STRN: variants seen among roughly 807,000 people sequenced by gnomAD.
STRN encodes protein phosphatase 2 regulatory subunit B'''alpha.
A neutral mutation model predicts 96.3 loss-of-function variants in STRN; 53 were observed. The observed-to-expected ratio is 0.55, with a 90% CI of 0.44 to 0.69. STRN has a LOEUF of 0.69. Ranked by LOEUF, STRN falls within the 30% of genes least tolerant of loss-of-function variation. The pLI, the probability that STRN is intolerant of heterozygous loss-of-function variation, is 0.00. For synonymous variants in STRN, 428 were observed against 355.9 expected (o/e 1.20, Z -2.28); for missense variants, 987 against 963.9 (o/e 1.02, Z -0.32).
At chr2:36,926,185 T>C (rs1424220878) in intron 1 of STRN, among the ~76,000 whole-genome samples, 3 of 152,164 alleles carry the variant, frequency 2.0e-5, no homozygotes, top group Admixed American at 6.5e-5. Context: ...TAAACAACTT[T>C]TAAAGTCAGT....
chr2:36,915,978 C>T (rs768343107), intron 3 of STRN, 100 bp downstream of exon 3: 6 of 1,073,584 alleles, frequency 5.6e-6, no homozygotes, highest in Non-Finnish European at 8.2e-6. Context: ...ATAACTAATA[C>T]ACAAATAATT....
chr2:36,957,744 C>CTTTTTTTT lies in STRN; in HGVS notation c.234+8478_234+8485dup, dbSNP rs1159531782. On this transcript the variant is annotated intron_variant, in intron 1 of 17. Coordinates refer to ENST00000263918, the MANE Select transcript of STRN (RefSeq NM_003162.4). The stretch of plus-strand genomic sequence containing the variant: ...TTAGTCTCATAGTTCTTCTTTTTGT[C>CTTTTTTTT]TTTTTTTTTTTTTTTTTTTTTTTTT... 1.6e-3 allele frequency among the ~76,000 whole-genome samples: 141 copies of CTTTTTTTT among 89,190 alleles called. 9 individuals carry two copies. Among genetic ancestry groups the CTTTTTTTT allele is most frequent in the East Asian group, 3.9e-3 (7 of 1,796 alleles). The allele number at this position is 89,190 out of a possible 152,430, so 58.5% of individuals were successfully genotyped here. A position where few individuals can be genotyped will look rare whatever the true frequency, so the allele number is the denominator to read the frequency against.
In STRN at chr2:36,962,371, C is replaced by A. The variant is rs549030066; in HGVS notation, c.234+3859G>T. On this transcript the variant is annotated intron_variant, in intron 1 of 17. Transcript: ENST00000263918. The stretch of plus-strand genomic sequence containing the variant: ...CCTACACCACACACCACACACATAT[C>A]AAAATCTAGGGCCAACATTTTTTAT... Among the ~76,000 whole-genome samples, 10 of 152,240 alleles carry A rather than the reference C, an allele frequency of 6.6e-5. No homozygotes were observed. The South Asian group carries it at 2.1e-3, about 32-fold the overall frequency.
intron 1 of STRN, among the ~76,000 whole-genome samples, chr2:36,945,052 T>C (rs956204850): frequency 6.6e-6 from 1 of 152,144 alleles, no homozygotes; most frequent in Non-Finnish European, 1.5e-5. Flanking sequence ...TTTAGTAATA[T>C]GTCAAAGAAA....
intron 16 of STRN, 24 bp from the exon 17 acceptor site, chr2:36,849,824 C>A (rs1247147202): frequency 6.2e-7 from 1 of 1,606,360 alleles, no homozygotes. Flanking sequence ...GATTGTTACT[C>A]CTTATTAATG....
At chr2:36,957,551 G>T (rs1217869774) in intron 1 of STRN, among the ~76,000 whole-genome samples, 1 of 151,800 alleles carries the variant, frequency 6.6e-6, no homozygotes. Flanking sequence ...TCACACCACT[G>T]CACTCCAGCC....
chr2:36,854,076 C>CTTGA (rs989757195), intron 15 of STRN, among the ~76,000 whole-genome samples: 3 of 152,048 alleles, frequency 2.0e-5, no homozygotes, highest in Admixed American at 1.3e-4. Flanking sequence ...ATCTACCAGA[C>CTTGA]TTGACATCTT....
chr2:36,943,286 T>G (rs937390778), intron 1 of STRN, among the ~76,000 whole-genome samples: 3 of 152,164 alleles, frequency 2.0e-5, no homozygotes, highest in African/African-American at 7.2e-5. Context: ...GAACAACTGC[T>G]GAATTCCCTT....
intron 12 of STRN, among the ~76,000 whole-genome samples, chr2:36,862,863 G>C (rs1187407344): frequency 6.6e-6 from 1 of 151,910 alleles, no homozygotes; most frequent in African/African-American, 2.4e-5. Context: ...GCCTCTCCGA[G>C]TAGCTGGGAC....
At chr2:36,917,777 T>A (rs1040891608) in intron 2 of STRN, among the ~76,000 whole-genome samples, 8 of 152,112 alleles carry the variant, frequency 5.3e-5, no homozygotes, top group African/African-American at 1.9e-4. Context: ...ACAGTCTTTA[T>A]ATCTTACACG....
chr2:36,938,046 T>C (rs1337815707), intron 1 of STRN, among the ~76,000 whole-genome samples: 1 of 152,192 alleles, frequency 6.6e-6, no homozygotes, highest in African/African-American at 2.4e-5. Context: ...AAAGTGTACT[T>C]TGAATTTTAA....
chr2:36,894,039 G>C lies in STRN; in HGVS notation c.796-6C>G, dbSNP rs759420837. The C allele has an allele frequency of 1.9e-6, 3 of 1,603,718 alleles. No individual in the cohort carries two copies. Among genetic ancestry groups the C allele is most frequent in the South Asian group, 1.1e-5 (1 of 88,738 alleles). ...AATGCTTTTTTCCTAACAATCTAAT[G>C]AAAAAACATGCTAAATTAAATAAAG... On this transcript the variant is annotated splice_polypyrimidine_tract_variant and splice_region_variant and intron_variant, in intron 6 of 17. Coordinates refer to ENST00000263918, the MANE Select transcript of STRN (RefSeq NM_003162.4).
chr2:36,873,115 C>T (rs148008888), intron 10 of STRN, among the ~76,000 whole-genome samples: 122 of 152,260 alleles, frequency 8.0e-4, no homozygotes, highest in African/African-American at 2.8e-3. Flanking sequence ...TGGCATCCTA[C>T]ACATAAGGGT....
At chr2:36,861,741 A>G (rs886193414) in intron 12 of STRN, among the ~76,000 whole-genome samples, 7 of 137,308 alleles carry the variant, frequency 5.1e-5, no homozygotes, top group African/African-American at 1.7e-4. Flanking sequence ...GCACACACAC[A>G]CACACACACA....
intron 1 of STRN, among the ~76,000 whole-genome samples, chr2:36,933,625 T>C (rs996497126): frequency 6.6e-6 from 1 of 152,108 alleles, no homozygotes; most frequent in African/African-American, 2.4e-5. Context: ...CAAGCATTTG[T>C]TTTTGGAAGT....
At chr2:36,905,459 T>C (rs1215799736) in intron 4 of STRN, 81 bp downstream of exon 4, 16 of 1,267,814 alleles carry the variant, frequency 1.3e-5, no homozygotes, top group Non-Finnish European at 1.8e-5. Flanking sequence ...TTCATCTGAC[T>C]TGAAAATACA....
At chr2:36,939,427 A>G (rs1235052671) in intron 1 of STRN, among the ~76,000 whole-genome samples, 1 of 152,196 alleles carries the variant, frequency 6.6e-6, no homozygotes, top group Non-Finnish European at 1.5e-5. Flanking sequence ...GCACTTTCAT[A>G]TACCTATCTT....
chr2:36,953,802 T>C lies in STRN; in HGVS notation c.234+12428A>G, dbSNP rs138721134. ...GAGCAAATACACAGTTAACATATTA[T>C]TCTGTTCTAACATAGCATATGTAAA... On this transcript the variant is annotated intron_variant, in intron 1 of 17. Transcript: ENST00000263918. Among the ~76,000 whole-genome samples the C allele has an allele frequency of 4.6e-3, 701 of 152,306 alleles. 4 individuals are homozygous for C. The highest frequency in any genetic ancestry group is 7.7e-3 in the Admixed American group (118 of 15,302).
chr2:36,938,074 A>AT lies in STRN; in HGVS notation c.235-12867dup, dbSNP rs544117364. ...AATTTTAAAGTATTTTGAGAGATTA[A>AT]TTTTATAAAAGGAAAAAGTGTTATC... On this transcript the variant is annotated intron_variant, in intron 1 of 17. Coordinates refer to ENST00000263918, the MANE Select transcript of STRN (RefSeq NM_003162.4). Among the ~76,000 whole-genome samples, 50 of 152,332 alleles carry AT rather than the reference A, an allele frequency of 3.3e-4. 1 individual carries two copies. The South Asian group carries it at 8.7e-3, about 26-fold the overall frequency.
Sources: gnomAD v4.1 joint callset for allele counts (sites outside exome capture counted in the v4.1 genomes callset) on GRCh38, gnomAD v4.1.1 for gene constraint, MANE v1.5 for transcripts, NCBI Gene and HGNC (gene_info 2026-07-23, HGNC 2026-07-21) for gene names.